ARFGEF1: variants seen among roughly 807,000 people sequenced by gnomAD.
ARFGEF1 encodes brefeldin A-inhibited guanine nucleotide-exchange protein 1.
ARFGEF1 carries 42 observed loss-of-function variants against 231.0 expected under a neutral mutation model. The ratio of observed to expected loss-of-function variants is 0.18; its 90% CI spans 0.14 to 0.24. The LOEUF (loss-of-function observed/expected upper bound fraction) is 0.24. ARFGEF1 is among the 10% of genes least tolerant of loss of function. The pLI is 1.00. For synonymous variants in ARFGEF1, 710 were observed against 732.3 expected (o/e 0.97, Z 0.49); for missense variants, 1,345 against 2,192.0 (o/e 0.61, Z 7.72).
intron 1 of ARFGEF1, among the ~76,000 whole-genome samples, chr8:67,342,230 A>G (rs1019924958): frequency 1.3e-5 from 2 of 152,196 alleles, no homozygotes; most frequent in Admixed American, 1.3e-4. Flanking sequence ...AACGATTTCA[A>G]CTTTGATGGA....
In ARFGEF1 at chr8:67,219,420, T is replaced by C. The variant is rs375923151; in HGVS notation, c.4338+11A>G. ...TTGACTAAGCTAAATGAAAATTGTGTATCCTCTTACCTCTGTCTGTTGTTC... is the reference window on the plus strand; with the variant it reads ...TTGACTAAGCTAAATGAAAATTGTGCATCCTCTTACCTCTGTCTGTTGTTC... On this transcript the variant is annotated intron_variant, in intron 30 of 38. Transcript: ENST00000262215. The C allele has an allele frequency of 2.4e-5, 39 of 1,604,520 alleles. No individual in the cohort carries two copies. In the African/African-American group the frequency reaches 4.8e-4, roughly 20 times the overall value.
Position 67,222,269 on chromosome 8 carries a change from AT to A in ARFGEF1, c.4208+2633del, listed in dbSNP as rs1174208098. ...TATGTATGTATGTATGTATGTATGT[AT>A]TTTTTTTTTTTTTGAGACAGAGTCT... On this transcript the variant is annotated intron_variant, in intron 29 of 38. Coordinates refer to ENST00000262215, the MANE Select transcript of ARFGEF1 (RefSeq NM_006421.5). Among the ~76,000 whole-genome samples the A allele has an allele frequency of 9.7e-4, 99 of 101,968 alleles. 1 individual carries two copies. The highest frequency in any genetic ancestry group is 2.0e-3 in the South Asian group (6 of 2,938). 66.9% of individuals were successfully genotyped at this position (101,968 alleles called of 152,430 possible).
At chr8:67,209,243 A>G (rs1462776372) in intron 34 of ARFGEF1, among the ~76,000 whole-genome samples, 1 of 148,872 alleles carries the variant, frequency 6.7e-6, no homozygotes, top group Admixed American at 6.7e-5. Context: ...CATTCAGTGG[A>G]CTATTAGTAA....
At chr8:67,256,302 A>T (rs940369391) in intron 17 of ARFGEF1, among the ~76,000 whole-genome samples, 9 of 152,238 alleles carry the variant, frequency 5.9e-5, no homozygotes, top group Non-Finnish European at 1.0e-4. Context: ...ATAAATTTTT[A>T]AAGTCCTATA....
chr8:67,225,066 A>G (rs1267419405), intron 28 of ARFGEF1, 33 bp from the exon 29 acceptor site: 2 of 1,571,814 alleles, frequency 1.3e-6, no homozygotes, highest in Admixed American at 3.8e-5. Flanking sequence ...ATTAAAGGCA[A>G]AACATAACAC....
chr8:67,235,084 ATGTG>A (rs746111295), intron 22 of ARFGEF1, among the ~76,000 whole-genome samples: 2 of 121,964 alleles, frequency 1.6e-5, no homozygotes, highest in Non-Finnish European at 1.6e-5. Flanking sequence ...ATATATATAT[ATGTG>A]TGTGTGTGTG....
chr8:67,288,128 A>G (rs1805837827), intron 6 of ARFGEF1, 63 bp from the exon 7 acceptor site: 3 of 1,071,024 alleles, frequency 2.8e-6, no homozygotes, highest in African/African-American at 1.6e-5. Flanking sequence ...TTTACTAAAC[A>G]TTTATGATGA....
At chr8:67,311,214 A>G (rs1193812083) in intron 1 of ARFGEF1, among the ~76,000 whole-genome samples, 2 of 139,906 alleles carry the variant, frequency 1.4e-5, no homozygotes, top group Non-Finnish European at 3.1e-5. Context: ...CTGCCTGGCC[A>G]GCCGCCCCGT....
downstream of ARFGEF1, chr8:67,175,183 A>G (rs75428500): frequency 1.9e-3 from 1,441 of 763,620 alleles, 22 homozygotes; most frequent in African/African-American, 0.022. Flanking sequence ...CACTATTTCT[A>G]TCATTTCCTT....
At chr8:67,206,554 C>T (rs1447009883) in intron 34 of ARFGEF1, among the ~76,000 whole-genome samples, 3 of 152,002 alleles carry the variant, frequency 2.0e-5, no homozygotes, top group African/African-American at 7.2e-5. Context: ...ATTTGTTCAA[C>T]AGGGCGTTTC....
chr8:67,327,048 A>G (rs1807865868), intron 1 of ARFGEF1, among the ~76,000 whole-genome samples: 1 of 152,218 alleles, frequency 6.6e-6, no homozygotes, highest in Non-Finnish European at 1.5e-5. Context: ...TATCAAAAAC[A>G]TTTAAATTAT....
rs1403367758 is a variant in ARFGEF1, at chr8:67,197,664, T to C, written c.*1270A>G. On this transcript the variant is annotated 3_prime_UTR_variant, in exon 39 of 39. Coordinates refer to ENST00000262215, the MANE Select transcript of ARFGEF1 (RefSeq NM_006421.5). ...TGGGGGTGGGTTATACAGGTTTTGA[T>C]TGCACTGATGAAATAATTCAAAAAC... The C allele has an allele frequency of 2.0e-6, 2 of 985,740 alleles. No homozygotes were observed. Among genetic ancestry groups the C allele is most frequent in the South Asian group, 9.4e-5 (2 of 21,290 alleles). The allele number at this position is 985,740 out of a possible 1,614,324, so 61.1% of individuals were successfully genotyped here.
At chr8:67,184,324 G>T (rs1833828399) in intron 5 of ARFGEF1, among the ~76,000 whole-genome samples, 1 of 152,164 alleles carries the variant, frequency 6.6e-6, no homozygotes. Flanking sequence ...AGAAATCAAT[G>T]AAATTGAAAA....
intron 29 of ARFGEF1, among the ~76,000 whole-genome samples, chr8:67,220,057 A>T (rs1839094466): frequency 6.6e-6 from 1 of 152,260 alleles, no homozygotes; most frequent in African/African-American, 2.4e-5. Context: ...CCACTAAGGC[A>T]TAAGCTCCAT....
chr8:67,277,397 T>A lies in ARFGEF1; in HGVS notation c.1088A>T (p.Asp363Val). The A allele has an allele frequency of 6.2e-7, 1 of 1,613,834 alleles. No individual in the cohort carries two copies. The highest frequency in any genetic ancestry group is 8.5e-7 in the Non-Finnish European group (1 of 1,179,846). The change falls in exon 8 of 39, where the codon GAT becomes GTT. Residue 363 changes from aspartate to valine, a missense_variant. By Grantham distance (152) the Asp-to-Val change is radical (BLOSUM62 -3). Coordinates refer to ENST00000262215, the MANE Select transcript of ARFGEF1 (RefSeq NM_006421.5). ...SADGNIGTIEDGSDSENIQAN... is the reference protein window; with the variant it reads ...SADGNIGTIEVGSDSENIQAN... ...TTGAATATTTTCACTGTCACTACCATCCTCTATAGTTCCAATGTTGCCATC... is the reference window on the plus strand; with the variant it reads ...TTGAATATTTTCACTGTCACTACCAACCTCTATAGTTCCAATGTTGCCATC...
chr8:67,306,448 G>T (rs1350594737), intron 1 of ARFGEF1, among the ~76,000 whole-genome samples: 3 of 152,092 alleles, frequency 2.0e-5, no homozygotes, highest in African/African-American at 7.2e-5. Flanking sequence ...TAATAAACAG[G>T]AAAGACTTTT....
chr8:67,305,341 C>T (rs1220633585), intron 1 of ARFGEF1, among the ~76,000 whole-genome samples: 4 of 152,130 alleles, frequency 2.6e-5, no homozygotes, highest in Non-Finnish European at 4.4e-5. Flanking sequence ...TAAATAATGG[C>T]CAGTTCTAAG....
chr8:67,187,388 A>G (rs1265925495), intron 5 of ARFGEF1, among the ~76,000 whole-genome samples: 6 of 152,206 alleles, frequency 3.9e-5, no homozygotes, highest in South Asian at 2.1e-4. Flanking sequence ...TGAATGGAAT[A>G]TGGAGCCCAG....
chr8:67,196,332 G>GAGTC (rs1340222255), downstream of ARFGEF1: 3 of 152,166 alleles, frequency 2.0e-5, no homozygotes, highest in Non-Finnish European at 2.9e-5. Flanking sequence ...GGACACCCGG[G>GAGTC]AGTCAAGGAC....
Sources: gnomAD v4.1 joint callset for allele counts (sites outside exome capture counted in the v4.1 genomes callset) on GRCh38, gnomAD v4.1.1 for gene constraint, MANE v1.5 for transcripts, NCBI Gene and HGNC (gene_info 2026-07-23, HGNC 2026-07-21) for gene names.